Variants in RBFOX3 observed in about 807,000 individuals in gnomAD.
The protein encoded by RBFOX3 is RNA binding fox-1 homolog 3.
A neutral mutation model predicts 48.7 loss-of-function variants in RBFOX3; 17 were observed. The ratio of observed to expected loss-of-function variants is 0.35; its 90% CI spans 0.24 to 0.52. RBFOX3 has a LOEUF of 0.52. RBFOX3 is among the 20% of genes least tolerant of loss of function. The probability of loss-of-function intolerance (pLI) is 0.94; values close to 1 mark genes in which losing one functional copy is unlikely to be tolerated. For synonymous variants in RBFOX3, 212 were observed against 209.5 expected (o/e 1.01, Z -0.10); for missense variants, 382 against 497.5 (o/e 0.77, Z 2.21).
intron 2 of RBFOX3, among the ~76,000 whole-genome samples, chr17:79,461,245 A>G (rs538387527): frequency 1.3e-5 from 2 of 152,336 alleles, no homozygotes; most frequent in Non-Finnish European, 2.9e-5. Flanking sequence ...CCCAGGATTC[A>G]ATGAGGAATG....
In RBFOX3 at chr17:79,103,107, G is replaced by A; in HGVS notation, c.507+55C>T. The A allele has an allele frequency of 3.0e-6, 4 of 1,332,170 alleles. No homozygotes were observed. Among genetic ancestry groups the A allele is most frequent in the Non-Finnish European group, 3.2e-6 (3 of 949,022 alleles). 82.5% of individuals were successfully genotyped at this position (1,332,170 alleles called of 1,614,324 possible). On this transcript the variant is annotated intron_variant, in intron 8 of 14. Coordinates refer to ENST00000693108, the MANE Select transcript of RBFOX3 (RefSeq NM_001350451.2). This position sits in a 1 kb window ranked among gnomAD's most constrained non-coding sequence, Gnocchi z 6.1. ...CAGGGCTGGTTGGTTGGGGGAGCTG[G>A]GGGGCAGGTGGGCGATCTTGGGGCA... is the stretch of plus-strand genomic sequence containing the variant.
chr17:79,330,189 G>A lies in RBFOX3; in HGVS notation c.-174-22365C>T, dbSNP rs1010055470. ...CTCCAGATGAGTTTAACCCCGCTGTGGGACACAGCAATGTCTTCTCTTTCC... is the reference window on the plus strand; with the variant it reads ...CTCCAGATGAGTTTAACCCCGCTGTAGGACACAGCAATGTCTTCTCTTTCC... On this transcript the variant is annotated intron_variant, in intron 2 of 14. Coordinates refer to ENST00000693108, the MANE Select transcript of RBFOX3 (RefSeq NM_001350451.2). Among the ~76,000 whole-genome samples the A allele has an allele frequency of 1.9e-4, 29 of 152,352 alleles. 1 individual carries two copies. The South Asian group carries it at 2.5e-3, about 13-fold the overall frequency.
intron 1 of RBFOX3, among the ~76,000 whole-genome samples, chr17:79,517,900 C>T (rs1485497231): frequency 6.6e-6 from 1 of 152,212 alleles, no homozygotes; most frequent in African/African-American, 2.4e-5. Flanking sequence ...CCCTCACCTT[C>T]TTGAAAGCAG....
intron 4 of RBFOX3, among the ~76,000 whole-genome samples, chr17:79,209,240 C>G (rs1396299024): frequency 6.6e-6 from 1 of 152,244 alleles, no homozygotes; most frequent in Non-Finnish European, 1.5e-5. Context: ...GATGTGCCCC[C>G]ATCCCAGGAG....
intron 2 of RBFOX3, among the ~76,000 whole-genome samples, chr17:79,339,629 GT>G (rs1179651598): frequency 6.6e-6 from 1 of 152,172 alleles, no homozygotes; most frequent in Non-Finnish European, 1.5e-5. Context: ...TTTTAAACAA[GT>G]TTCAAGAAGG....
chr17:79,388,630 T>G (rs1403531598), intron 2 of RBFOX3, among the ~76,000 whole-genome samples: 1 of 152,202 alleles, frequency 6.6e-6, no homozygotes. Context: ...AGCTGCGGGC[T>G]GGATCTCGTT....
intron 2 of RBFOX3, among the ~76,000 whole-genome samples, chr17:79,330,301 G>A (rs554406778): frequency 6.6e-6 from 1 of 152,136 alleles, no homozygotes; most frequent in Non-Finnish European, 1.5e-5. Flanking sequence ...GTATCATGCT[G>A]GTTTCACTGC....
chr17:79,190,048 A>C (rs920045654), intron 4 of RBFOX3, among the ~76,000 whole-genome samples: 4 of 152,194 alleles, frequency 2.6e-5, no homozygotes, highest in African/African-American at 9.6e-5. Flanking sequence ...TGGTACCCCC[A>C]CTTGCTCTCC....
chr17:79,320,261 T>C (rs2078312311), intron 2 of RBFOX3, among the ~76,000 whole-genome samples: 1 of 152,126 alleles, frequency 6.6e-6, no homozygotes, highest in African/African-American at 2.4e-5. Context: ...CCGCTCTTGG[T>C]GCTGACCCTG....
At chr17:79,598,308 AC>A (rs1192272062) in intron 1 of RBFOX3, 1 of 152,530 alleles carries the variant, frequency 6.6e-6, no homozygotes, top group Non-Finnish European at 1.5e-5. Context: ...ACACATGCAC[AC>A]GTGCACACAT....
chr17:79,645,703 G>A, the RBFOX3 span, among the ~76,000 whole-genome samples: 2 of 152,172 alleles, frequency 1.3e-5, no homozygotes, highest in Admixed American at 6.5e-5. Flanking sequence ...TTGCTGCCTG[G>A]ACCGCAGCGG....
the RBFOX3 span, among the ~76,000 whole-genome samples, chr17:79,661,610 A>G: frequency 2.6e-5 from 4 of 152,314 alleles, no homozygotes; most frequent in South Asian, 8.3e-4. Flanking sequence ...CTGGCAGGTG[A>G]TATCTAGGGA....
the RBFOX3 span, among the ~76,000 whole-genome samples, chr17:79,617,559 G>A: frequency 1.2e-3 from 183 of 152,136 alleles, 1 homozygote; most frequent in East Asian, 0.01. Flanking sequence ...TAGAAACCTC[G>A]ACTTCATCCT....
intron 4 of RBFOX3, among the ~76,000 whole-genome samples, chr17:79,122,070 C>A (rs1012794960): frequency 6.6e-6 from 1 of 151,776 alleles, no homozygotes; most frequent in Non-Finnish European, 1.5e-5. Context: ...CAGTCCAGCA[C>A]ATAGTCCTAA....
At chr17:79,403,132 C>G (rs1417404572) in intron 2 of RBFOX3, among the ~76,000 whole-genome samples, 6 of 152,150 alleles carry the variant, frequency 3.9e-5, no homozygotes, top group Non-Finnish European at 8.8e-5. Context: ...GACTTGGCTC[C>G]CTCCCCCTCG....
chr17:79,528,543 T>G (rs2087163457), intron 1 of RBFOX3, among the ~76,000 whole-genome samples: 1 of 152,096 alleles, frequency 6.6e-6, no homozygotes, highest in South Asian at 2.1e-4. Flanking sequence ...GAAGAGGATC[T>G]TAGTTGGAGA....
chr17:79,246,391 G>T (rs1397762282), intron 3 of RBFOX3, among the ~76,000 whole-genome samples: 2 of 152,216 alleles, frequency 1.3e-5, no homozygotes, highest in African/African-American at 4.8e-5. Context: ...AGATTTCTTG[G>T]TCACCTCCTC....
chr17:79,643,254 T>C, the RBFOX3 span, among the ~76,000 whole-genome samples: 2 of 152,186 alleles, frequency 1.3e-5, no homozygotes, highest in Non-Finnish European at 2.9e-5. Flanking sequence ...ATTTAATTTT[T>C]AGGAAAATAT....
intron 2 of RBFOX3, among the ~76,000 whole-genome samples, chr17:79,365,042 T>C (rs767510709): frequency 5.3e-5 from 8 of 152,038 alleles, no homozygotes; most frequent in Admixed American, 3.3e-4. Context: ...CTAGAGTTGG[T>C]GGGGGAGGCT....
Sources: allele counts gnomAD v4.1 joint callset (sites outside exome capture counted in the v4.1 genomes callset), GRCh38; gene constraint gnomAD v4.1.1; non-coding constraint Gnocchi (gnomAD v3.1); transcripts MANE v1.5; gene names NCBI Gene and HGNC (gene_info 2026-07-23, HGNC 2026-07-21).